The following CLSTN1 variants were observed in gnomAD, a reference collection of about 807,000 sequenced individuals.
CLSTN1 encodes calsyntenin 1.
CLSTN1 carries 28 observed loss-of-function variants against 108.3 expected under a neutral mutation model. The observed-to-expected ratio is 0.26, with a 90% CI of 0.19 to 0.35. The LOEUF (loss-of-function observed/expected upper bound fraction) is 0.35. Among genes scored for constraint, CLSTN1 ranks in the 10% least tolerant of loss-of-function variants. CLSTN1 has a pLI of 1.00. For missense variants in CLSTN1, 1,157 were observed against 1,302.6 expected (o/e 0.89, Z 1.72); for synonymous variants, 524 against 534.9 (o/e 0.98, Z 0.28).
chr1:9,775,976 CTT>C lies in CLSTN1; in HGVS notation c.92-2584_92-2583del, dbSNP rs748149329. On this transcript the variant is annotated intron_variant, in intron 1 of 18. Transcript: ENST00000377298. ...AGACCAGAACAAAGCTGCCTCCTCT[CTT>C]TTTTTTTTTTTTGAGATGGAGCCTT... is the stretch of plus-strand genomic sequence containing the variant. 5.8e-3 allele frequency among the ~76,000 whole-genome samples: 831 copies of C among 144,350 alleles called. 11 individuals carry two copies. Among genetic ancestry groups the C allele is most frequent in the African/African-American group, 0.02 (793 of 39,666 alleles). The allele number at this position is 144,350 out of a possible 152,430, so 94.7% of individuals were successfully genotyped here.
At chr1:9,775,938 C>G (rs1193001624) in intron 1 of CLSTN1, among the ~76,000 whole-genome samples, 1 of 151,306 alleles carries the variant, frequency 6.6e-6, no homozygotes, top group Non-Finnish European at 1.5e-5. Flanking sequence ...AGGCTTGCAT[C>G]TGGAAGGAAG....
chr1:9,740,367 T>A lies in CLSTN1; in HGVS notation c.1519+727A>T, dbSNP rs117688806. 5.9e-5 allele frequency among the ~76,000 whole-genome samples: 9 copies of A among 152,306 alleles called. No individual in the cohort carries two copies. In the East Asian group the frequency reaches 1.7e-3, roughly 29 times the overall value. ...GAGACACCGCGCCTGGCCCACAGGC[T>A]TCTCAAAGTAAAAAAATTCAAAACC... On this transcript the variant is annotated intron_variant, in intron 10 of 18. Coordinates refer to ENST00000377298, the MANE Select transcript of CLSTN1 (RefSeq NM_001009566.3).
chr1:9,741,331 C>T, intron 9 of CLSTN1, 75 bp from the exon 10 acceptor site: 2 of 1,415,710 alleles, frequency 1.4e-6, no homozygotes, highest in Admixed American at 3.8e-5. Flanking sequence ...GAAACCAAGT[C>T]ACCCAACACA....
At chr1:9,791,141 CAAAA>C (rs139466878) in intron 1 of CLSTN1, among the ~76,000 whole-genome samples, 3 of 74,038 alleles carry the variant, frequency 4.1e-5, no homozygotes, top group African/African-American at 3.8e-5. Context: ...GACTCTATCT[CAAAA>C]AAAAAAAAAA....
intron 3 of CLSTN1, 152 bp from the exon 4 acceptor site, chr1:9,755,461 G>A: frequency 1.7e-6 from 1 of 577,388 alleles, no homozygotes; most frequent in Non-Finnish European, 3.0e-6. Context: ...CAGGGGCACT[G>A]TGTTTTAAAC....
At chr1:9,808,498 C>A (rs1326188967) in intron 1 of CLSTN1, among the ~76,000 whole-genome samples, 3 of 152,152 alleles carry the variant, frequency 2.0e-5, no homozygotes, top group Non-Finnish European at 4.4e-5. Flanking sequence ...AACTCCAAAC[C>A]GATCAATATG....
intron 10 of CLSTN1, 138 bp downstream of exon 10, chr1:9,740,956 T>A (rs767536161): frequency 8.6e-6 from 8 of 930,414 alleles, no homozygotes; most frequent in Non-Finnish European, 1.1e-5. Flanking sequence ...CCAAAAAGGC[T>A]GTACACAGGA....
Position 9,741,185 on chromosome 1 carries a change from G to C in CLSTN1, c.1428C>G (p.Gly476=), listed in dbSNP as rs1164211965. ...EFPSVTLYVD[G]TSHEPFSVTE... is the part of the protein sequence containing the mutation. ...TCACAGAGAAGGGCTCGTGGGACGTGCCATCCACATAGAGAGTCACACTCG... is the reference window on the plus strand; with the variant it reads ...TCACAGAGAAGGGCTCGTGGGACGTCCCATCCACATAGAGAGTCACACTCG... The change falls in exon 10 of 19, where the codon GGC becomes GGG. Residue 476 remains glycine, a synonymous_variant. Transcript: ENST00000377298. The C allele has an allele frequency of 1.2e-6, 2 of 1,613,940 alleles. No individual in the cohort carries two copies. The highest frequency in any genetic ancestry group is 1.7e-6 in the Non-Finnish European group (2 of 1,179,972).
rs1413595603 is a variant in CLSTN1, at chr1:9,754,046, A to G, written c.440+1068T>C. Among the ~76,000 whole-genome samples the G allele has an allele frequency of 2.0e-5, 3 of 152,030 alleles. No individual in the cohort carries two copies. In the East Asian group the frequency reaches 5.8e-4, roughly 29 times the overall value. On this transcript the variant is annotated intron_variant, in intron 4 of 18. Coordinates refer to ENST00000377298, the MANE Select transcript of CLSTN1 (RefSeq NM_001009566.3). The stretch of plus-strand genomic sequence containing the variant: ...GCTCTCAAACTCCTAGGCTCAAGCA[A>G]TCTTCCCACCTCAGCCTCCCAAAGT...
intron 1 of CLSTN1, among the ~76,000 whole-genome samples, chr1:9,779,140 G>C (rs1029586978): frequency 6.6e-6 from 1 of 152,218 alleles, no homozygotes; most frequent in Middle Eastern, 3.2e-3. Context: ...GTGTGAGGCT[G>C]TCTGTGGGAG....
chr1:9,769,194 G>A (rs1042483010), intron 2 of CLSTN1, among the ~76,000 whole-genome samples: 4 of 151,628 alleles, frequency 2.6e-5, no homozygotes, highest in Admixed American at 6.6e-5. Flanking sequence ...GGAGGGATAC[G>A]GCTGCAGGTC....
intron 2 of CLSTN1, among the ~76,000 whole-genome samples, chr1:9,770,248 T>G (rs1652605258): frequency 6.6e-6 from 1 of 152,222 alleles, no homozygotes; most frequent in Non-Finnish European, 1.5e-5. Flanking sequence ...TCACAACATA[T>G]AATTTTTGTA....
chr1:9,790,420 G>C (rs901034162), intron 1 of CLSTN1, among the ~76,000 whole-genome samples: 35 of 150,810 alleles, frequency 2.3e-4, no homozygotes, highest in African/African-American at 8.0e-4. Context: ...TTAGCGTATT[G>C]ATTGGTGAAT....
chr1:9,771,748 C>A (rs1241534909), intron 2 of CLSTN1, among the ~76,000 whole-genome samples: 1 of 152,142 alleles, frequency 6.6e-6, no homozygotes, highest in Non-Finnish European at 1.5e-5. Context: ...AATTAATAAA[C>A]ACACAAAACA....
At chr1:9,769,293 T>G (rs371516421) in intron 2 of CLSTN1, among the ~76,000 whole-genome samples, 114 of 152,062 alleles carry the variant, frequency 7.5e-4, no homozygotes, top group African/African-American at 2.7e-3. Context: ...CTCCTGTGTG[T>G]ATACTAAAGG....
At chr1:9,781,008 G>A (rs909327024) in intron 1 of CLSTN1, 4 of 483,004 alleles carry the variant, frequency 8.3e-6, no homozygotes, top group South Asian at 3.0e-5. Flanking sequence ...AAAAAGTTTC[G>A]GATTTTGGAG....
rs751635546 is a variant in CLSTN1, at chr1:9,730,581, CCCTCCT to C, written c.2867_2872del (p.Glu956_Glu957del). On this transcript the variant is annotated inframe_deletion, in exon 19 of 19. Coordinates refer to ENST00000377298, the MANE Select transcript of CLSTN1 (RefSeq NM_001009566.3). This position sits in a 1 kb window ranked among gnomAD's most constrained non-coding sequence, Gnocchi z 5.6. ...TGCGTTCTGGGGGTCGCCCTGCTCC[CCCTCCT>C]CCTCCTCGCTGCTCTCCGACTCGGC... The C allele has an allele frequency of 9.9e-6, 16 of 1,609,194 alleles. No homozygotes were observed. Among genetic ancestry groups the C allele is most frequent in the African/African-American group, 1.3e-5 (1 of 74,966 alleles).
intron 1 of CLSTN1, among the ~76,000 whole-genome samples, chr1:9,773,660 A>G (rs1652796994): frequency 1.3e-5 from 2 of 152,206 alleles, no homozygotes; most frequent in Admixed American, 6.5e-5. Context: ...AGGGAAAAAA[A>G]AAGACTGATG....
In CLSTN1 at chr1:9,734,272, CGA is replaced by C. The variant is rs911412997; in HGVS notation, c.2111-132_2111-131del. ...CGTAAGGACCAACGACAGAAGCAAGCGAGAGTTGCTTTCAAGAAACGGCTGGG... is the reference window on the plus strand; with the variant it reads ...CGTAAGGACCAACGACAGAAGCAAGCGAGTTGCTTTCAAGAAACGGCTGGG... On this transcript the variant is annotated intron_variant, in intron 14 of 18. Coordinates refer to ENST00000377298, the MANE Select transcript of CLSTN1 (RefSeq NM_001009566.3). This position sits in a 1 kb window ranked among gnomAD's most constrained non-coding sequence, Gnocchi z 4.8. The C allele has an allele frequency of 2.3e-5, 20 of 885,092 alleles. No homozygotes were observed. The highest frequency in any genetic ancestry group is 2.6e-4 in the Middle Eastern group (1 of 3,826). 54.8% of individuals were successfully genotyped at this position (885,092 alleles called of 1,614,324 possible). A position where few individuals can be genotyped will look rare whatever the true frequency, so the allele number is the denominator to read the frequency against.
Sources: allele counts gnomAD v4.1 joint callset (sites outside exome capture counted in the v4.1 genomes callset), GRCh38; gene constraint gnomAD v4.1.1; non-coding constraint Gnocchi (gnomAD v3.1); transcripts MANE v1.5; gene names NCBI Gene and HGNC (gene_info 2026-07-23, HGNC 2026-07-21).